The following SLC38A1 variants were observed in gnomAD, a reference collection of about 807,000 sequenced individuals.
SLC38A1 encodes the protein sodium-coupled neutral amino acid symporter 1.
A neutral mutation model predicts 60.3 loss-of-function variants in SLC38A1; 18 were observed. The ratio of observed to expected loss-of-function variants is 0.30; its 90% CI spans 0.21 to 0.44. SLC38A1 has a LOEUF of 0.44. Among genes scored for constraint, SLC38A1 ranks in the 20% least tolerant of loss-of-function variants. The pLI, the probability that SLC38A1 is intolerant of heterozygous loss-of-function variation, is 1.00. For synonymous variants in SLC38A1, 196 were observed against 212.1 expected, an observed-to-expected ratio of 0.92 and a Z score of 0.66; for missense variants, 448 against 587.2, an observed-to-expected ratio of 0.76 and a Z score of 2.45.
intron 9 of SLC38A1, among the ~76,000 whole-genome samples, 172 bp from the exon 10 acceptor site, chr12:46,204,762 A>T (rs190105130): frequency 2.5e-4 from 38 of 152,344 alleles, no homozygotes; most frequent in African/African-American, 8.4e-4. Flanking sequence ...CCAAGTGAAT[A>T]CAAGATTTAT....
intron 1 of SLC38A1, among the ~76,000 whole-genome samples, chr12:46,264,122 C>A (rs1473524411): frequency 1.3e-5 from 2 of 152,220 alleles, no homozygotes; most frequent in Non-Finnish European, 2.9e-5. Flanking sequence ...AATGTGAAGT[C>A]TGCTCTGAGA....
intron 15 of SLC38A1, 36 bp downstream of exon 15, chr12:46,197,883 C>A (rs1373488016): frequency 6.8e-6 from 11 of 1,609,668 alleles, no homozygotes; most frequent in Non-Finnish European, 9.3e-6. Context: ...CAAACAGCTA[C>A]TGTAGAATGA....
chr12:46,206,379 G>GT (rs1939902165), intron 8 of SLC38A1, among the ~76,000 whole-genome samples: 4 of 137,880 alleles, frequency 2.9e-5, no homozygotes, highest in African/African-American at 1.3e-4. Context: ...AGGGAATATT[G>GT]GTTTTTTTTT....
At chr12:46,211,225 G>T (rs1234497858) in intron 5 of SLC38A1, among the ~76,000 whole-genome samples, 1 of 152,196 alleles carries the variant, frequency 6.6e-6, no homozygotes, top group African/African-American at 2.4e-5. Context: ...AAGAGCACAG[G>T]CTTCCTAGTG....
intron 5 of SLC38A1, among the ~76,000 whole-genome samples, chr12:46,223,440 T>G (rs1393604609): frequency 6.8e-6 from 1 of 147,548 alleles, no homozygotes. Flanking sequence ...CATCTCTCTT[T>G]CTCTCTCACA....
chr12:46,254,858 C>T (rs2138802050), intron 1 of SLC38A1: 1 of 153,228 alleles, frequency 6.5e-6, no homozygotes, highest in East Asian at 1.9e-4. Context: ...GAGAAACAAA[C>T]ATGCTCCAAA....
intron 5 of SLC38A1, among the ~76,000 whole-genome samples, chr12:46,216,543 G>A (rs1940420748): frequency 6.6e-6 from 1 of 152,158 alleles, no homozygotes; most frequent in African/African-American, 2.4e-5. Flanking sequence ...TAAGTGGTGA[G>A]GAAAGAGACA....
chr12:46,206,093 G>A lies in SLC38A1; in HGVS notation c.633C>T (p.Leu211=), dbSNP rs764691848. The A allele has an allele frequency of 1.9e-6, 3 of 1,609,250 alleles. No homozygotes were observed. Among genetic ancestry groups the A allele is most frequent in the Non-Finnish European group, 2.5e-6 (3 of 1,176,738 alleles). Residue 211 remains leucine, a synonymous_variant, in exon 9 of 17, where the codon CTC becomes CTT. Transcript: ENST00000398637. ...VTFGIILPLC[L]LKNLGYLGYT... ...ATCTGTCCTTACCTAAGTTCTTCAA[G>A]AGACACAGAGGGAGAATTATGCCAA...
intron 5 of SLC38A1, among the ~76,000 whole-genome samples, chr12:46,218,268 G>T (rs1036548634): frequency 1.3e-5 from 2 of 152,020 alleles, no homozygotes; most frequent in Admixed American, 6.5e-5. Context: ...ACTCCACAAG[G>T]ACAAGTCGTT....
intron 5 of SLC38A1, among the ~76,000 whole-genome samples, chr12:46,226,905 C>G (rs1489950099): frequency 6.6e-6 from 1 of 152,134 alleles, no homozygotes; most frequent in African/African-American, 2.4e-5. Flanking sequence ...TAGGCATGAG[C>G]CACTGTGCCC....
chr12:46,207,078 A>T, intron 8 of SLC38A1, 77 bp downstream of exon 8: 1 of 984,780 alleles, frequency 1.0e-6, no homozygotes, highest in Non-Finnish European at 1.5e-6. Context: ...CAATATTCAC[A>T]AGCAAGAATT....
intron 1 of SLC38A1, among the ~76,000 whole-genome samples, chr12:46,246,648 G>T (rs968480244): frequency 4.6e-5 from 7 of 152,214 alleles, no homozygotes; most frequent in Non-Finnish European, 1.0e-4. Flanking sequence ...GCTCTGAAGG[G>T]AGCAGTGGTT....
At chr12:46,211,605 C>G (rs1034562753) in intron 5 of SLC38A1, among the ~76,000 whole-genome samples, 4 of 152,220 alleles carry the variant, frequency 2.6e-5, no homozygotes, top group Non-Finnish European at 4.4e-5. Flanking sequence ...TCAGTGGCAT[C>G]TGGCCCTTTG....
At chr12:46,244,775 C>T (rs1284029479) in intron 1 of SLC38A1, among the ~76,000 whole-genome samples, 2 of 152,222 alleles carry the variant, frequency 1.3e-5, no homozygotes, top group African/African-American at 4.8e-5. Flanking sequence ...GTAATTTTAA[C>T]AAATTTTTAG....
intron 3 of SLC38A1, among the ~76,000 whole-genome samples, chr12:46,238,668 TA>T (rs1941339796): frequency 6.6e-6 from 1 of 152,268 alleles, no homozygotes; most frequent in African/African-American, 2.4e-5. Context: ...ATCATTTTTT[TA>T]AAAAGACATT....
rs1171988023 is a variant in SLC38A1 at position 46,184,623 on chromosome 12, A to G, written c.*4347T>C. On this transcript the variant is annotated 3_prime_UTR_variant, in exon 17 of 17. Coordinates refer to ENST00000398637, the MANE Select transcript of SLC38A1 (RefSeq NM_030674.4). ...GAACTCAGTATTTCATTCTTTTGAG[A>G]GCAGTTTGTAGCTCCTTAAGCAGAG... 6.6e-6 allele frequency: 1 copy of G among 152,102 alleles called. No individual in the cohort carries two copies. Among genetic ancestry groups the G allele is most frequent in the Non-Finnish European group, 1.5e-5 (1 of 68,028 alleles). 9.4% of individuals were successfully genotyped at this position (152,102 alleles called of 1,614,324 possible).
intron 12 of SLC38A1, 112 bp downstream of exon 12, chr12:46,202,898 G>A: frequency 1.5e-6 from 1 of 681,224 alleles, no homozygotes; most frequent in Non-Finnish European, 2.5e-6. Context: ...TTGAAGCTGG[G>A]TGATGAATCC....
chr12:46,220,862 A>T (rs1050735065), intron 5 of SLC38A1, among the ~76,000 whole-genome samples: 1 of 152,224 alleles, frequency 6.6e-6, no homozygotes, highest in African/African-American at 2.4e-5. Context: ...TTCTCCCGAT[A>T]GAATGAGAAG....
intron 16 of SLC38A1, among the ~76,000 whole-genome samples, chr12:46,193,016 G>A (rs947173485): frequency 1.3e-5 from 2 of 152,034 alleles, no homozygotes; most frequent in Non-Finnish European, 2.9e-5. Flanking sequence ...TCTTTTAATT[G>A]TGATGTAGGG....
Sources: gnomAD v4.1 joint callset for allele counts (sites outside exome capture counted in the v4.1 genomes callset) on GRCh38, gnomAD v4.1.1 for gene constraint, MANE v1.5 for transcripts, NCBI Gene and HGNC (gene_info 2026-07-23, HGNC 2026-07-21) for gene names.